The following FYCO1 variants were observed in gnomAD, a reference collection of about 807,000 sequenced individuals.
The protein encoded by FYCO1 is FYVE and coiled-coil domain autophagy adaptor 1, also known as FYVE and coiled-coil domain-containing protein 1.
FYCO1 carries 122 observed loss-of-function variants against 165.1 expected under a neutral mutation model. The observed-to-expected ratio is 0.74, with a 90% CI of 0.64 to 0.86. FYCO1 has a LOEUF of 0.86. Among genes scored for constraint, FYCO1 ranks in the 40% least tolerant of loss-of-function variants. The pLI is 0.00. For synonymous variants in FYCO1, 648 were observed against 742.5 expected, an observed-to-expected ratio of 0.87 and a Z score of 2.07; for missense variants, 1,702 against 1,810.3, an observed-to-expected ratio of 0.94 and a Z score of 1.09.
intron 14 of FYCO1, among the ~76,000 whole-genome samples, chr3:45,954,167 G>A (rs1231090207): frequency 6.6e-6 from 1 of 152,170 alleles, no homozygotes; most frequent in African/African-American, 2.4e-5. Flanking sequence ...GACTTTGAAT[G>A]CAGCCCAACA....
intron 13 of FYCO1, 37 bp downstream of exon 13, chr3:45,958,371 T>C: frequency 6.3e-7 from 1 of 1,583,208 alleles, no homozygotes. Context: ...AAGTGGCACC[T>C]AGAGAACATA....
chr3:45,923,097 T>C (rs1703164074), intron 17 of FYCO1, among the ~76,000 whole-genome samples: 1 of 152,180 alleles, frequency 6.6e-6, no homozygotes. Context: ...TCCCAACCTA[T>C]ACACTCCTGA....
rs1409513291 is a variant in FYCO1, at chr3:45,931,069, ACC to A, written c.4251_4251+1del. On this transcript the variant is annotated splice_donor_variant and coding_sequence_variant, in exon 16 of 18. Coordinates refer to ENST00000296137, the MANE Select transcript of FYCO1 (RefSeq NM_024513.4). LOFTEE classifies it high-confidence loss of function. ...GCCCACAGGCAGGGAGCCCAGCCTT[ACC>A]TTACACTGATCCAGCGGTGTGTCCT... The A allele has an allele frequency of 6.2e-7, 1 of 1,612,990 alleles. No individual in the cohort carries two copies. Among genetic ancestry groups the A allele is most frequent in the Non-Finnish European group, 8.5e-7 (1 of 1,179,702 alleles).
In FYCO1 at chr3:45,962,909, CCT is replaced by C. The variant is rs1705786220; in HGVS notation, c.3270-519_3270-518del. Among the ~76,000 whole-genome samples, 1 of 152,178 alleles carries C rather than the reference CCT, an allele frequency of 6.6e-6. No individual in the cohort carries two copies. The highest frequency in any genetic ancestry group is 1.5e-5 in the Non-Finnish European group (1 of 68,032). On this transcript the variant is annotated intron_variant, in intron 10 of 17. Coordinates refer to ENST00000296137, the MANE Select transcript of FYCO1 (RefSeq NM_024513.4). This position sits in a 1 kb window ranked among gnomAD's most constrained non-coding sequence, Gnocchi z 4.4. Reference sequence around the variant, plus strand: ...GCCAGCTGTTCTACCTGATAGCCCCCCTGAGGCCCAGGGAATTCCGTTTTGGG... The same window carrying C: ...GCCAGCTGTTCTACCTGATAGCCCCCGAGGCCCAGGGAATTCCGTTTTGGG...
chr3:45,946,443 C>T, intron 14 of FYCO1: 1 of 1,554,758 alleles, frequency 6.4e-7, no homozygotes, highest in Non-Finnish European at 8.8e-7. Flanking sequence ...AATATAATTC[C>T]TGGGTTCTGA....
At position 45,962,447 on chromosome 3, in the gene FYCO1, G is replaced by A. The variant is rs1345935476; in HGVS notation, c.3270-55C>T. ...TAGCCAGGACTTCCAGCTTTCCCAG[G>A]GCTCTAAGCTCACCCAGGACTCTAA... On this transcript the variant is annotated intron_variant, in intron 10 of 17. Transcript: ENST00000296137. This position sits in a 1 kb window ranked among gnomAD's most constrained non-coding sequence, Gnocchi z 4.4. The A allele has an allele frequency of 6.5e-7, 1 of 1,533,760 alleles. No individual in the cohort carries two copies. Among genetic ancestry groups the A allele is most frequent in the Non-Finnish European group, 9.0e-7 (1 of 1,107,060 alleles).
At chr3:45,974,193 A>G (rs1345544552) in intron 5 of FYCO1, among the ~76,000 whole-genome samples, 1 of 152,214 alleles carries the variant, frequency 6.6e-6, no homozygotes, top group Non-Finnish European at 1.5e-5. Flanking sequence ...AAGCTGGGCA[A>G]CATAGTGAGA....
intron 14 of FYCO1, among the ~76,000 whole-genome samples, chr3:45,941,810 T>C (rs1009442668): frequency 6.6e-6 from 1 of 152,224 alleles, no homozygotes. Flanking sequence ...ATTCTAACAC[T>C]GCCCTATGGA....
chr3:45,972,484 C>T (rs527505012), intron 6 of FYCO1, among the ~76,000 whole-genome samples: 4 of 152,100 alleles, frequency 2.6e-5, no homozygotes, highest in Non-Finnish European at 5.9e-5. Context: ...GATTTTAACC[C>T]AAGTCAGGTG....
intron 14 of FYCO1, among the ~76,000 whole-genome samples, chr3:45,937,320 T>A (rs955270883): frequency 5.3e-5 from 8 of 152,208 alleles, no homozygotes; most frequent in Non-Finnish European, 1.0e-4. Context: ...CTTTCTAAAT[T>A]GCTGAAACAA....
intron 16 of FYCO1, among the ~76,000 whole-genome samples, chr3:45,926,670 A>G (rs1330523535): frequency 2.6e-5 from 4 of 152,228 alleles, no homozygotes; most frequent in Non-Finnish European, 4.4e-5. Context: ...TGGCATCTAT[A>G]ATAGAATATT....
intron 1 of FYCO1, among the ~76,000 whole-genome samples, chr3:45,994,729 C>T (rs1408899594): frequency 6.6e-6 from 1 of 151,792 alleles, no homozygotes; most frequent in Non-Finnish European, 1.5e-5. Context: ...CCTGAGACCA[C>T]AAGGCCTGCA....
At chr3:45,924,481 G>C (rs777053890) in intron 16 of FYCO1, among the ~76,000 whole-genome samples, 1 of 152,206 alleles carries the variant, frequency 6.6e-6, no homozygotes, top group Non-Finnish European at 1.5e-5. Flanking sequence ...CCAGGGCTCA[G>C]AGGGAGGTCT....
At chr3:45,971,098 A>G (rs1234880357) in intron 6 of FYCO1, among the ~76,000 whole-genome samples, 1 of 152,188 alleles carries the variant, frequency 6.6e-6, no homozygotes, top group Non-Finnish European at 1.5e-5. Flanking sequence ...GCCAGCTTGA[A>G]GGGGGCTCCC....
intron 14 of FYCO1, chr3:45,940,981 C>T (rs1704194421): frequency 6.6e-6 from 1 of 152,226 alleles, no homozygotes; most frequent in South Asian, 2.1e-4. Flanking sequence ...GCTTATAGAA[C>T]AATTGTTCCT....
chr3:45,927,241 A>G (rs1158262253), intron 16 of FYCO1, among the ~76,000 whole-genome samples: 1 of 152,240 alleles, frequency 6.6e-6, no homozygotes, highest in Admixed American at 6.5e-5. Flanking sequence ...AACGAGGCCC[A>G]GGGAAGCCAA....
At chr3:45,988,097 C>T (rs1707391549) in intron 1 of FYCO1, among the ~76,000 whole-genome samples, 2 of 152,164 alleles carry the variant, frequency 1.3e-5, no homozygotes, top group East Asian at 1.9e-4. Flanking sequence ...GAGCCTGTGT[C>T]GCCACCAGCA....
intron 10 of FYCO1, among the ~76,000 whole-genome samples, chr3:45,963,842 A>G (rs1352519642): frequency 6.6e-6 from 1 of 152,216 alleles, no homozygotes; most frequent in Non-Finnish European, 1.5e-5. Flanking sequence ...CAGAGTCTGC[A>G]CAAAGACAGG....
At chr3:45,950,871 C>T (rs1704971227) in intron 14 of FYCO1, among the ~76,000 whole-genome samples, 1 of 152,198 alleles carries the variant, frequency 6.6e-6, no homozygotes, top group Non-Finnish European at 1.5e-5. Context: ...AACCCACGCG[C>T]AAGGTGGCTT....
Sources: allele counts gnomAD v4.1 joint callset (sites outside exome capture counted in the v4.1 genomes callset), GRCh38; gene constraint gnomAD v4.1.1; non-coding constraint Gnocchi (gnomAD v3.1); transcripts MANE v1.5; gene names NCBI Gene and HGNC (gene_info 2026-07-23, HGNC 2026-07-21).